NEDD4L: variants seen among roughly 807,000 people sequenced by gnomAD.
NEDD4L encodes the protein E3 ubiquitin-protein ligase NEDD4-like.
NEDD4L carries 54 observed loss-of-function variants against 148.9 expected under a neutral mutation model. The ratio of observed to expected loss-of-function variants is 0.36; its 90% CI spans 0.29 to 0.45. The LOEUF is 0.45. Ranked by LOEUF, NEDD4L falls within the 20% of genes least tolerant of loss-of-function variation. The probability of loss-of-function intolerance (pLI) is 1.00; values close to 1 mark genes in which losing one functional copy is unlikely to be tolerated. For missense variants in NEDD4L, 856 were observed against 1,233.8 expected (o/e 0.69, Z 4.59); for synonymous variants, 433 against 440.7 (o/e 0.98, Z 0.22).
chr18:58,274,348 G>A (rs2051536158), intron 5 of NEDD4L, among the ~76,000 whole-genome samples: 2 of 152,314 alleles, frequency 1.3e-5, no homozygotes. Flanking sequence ...TTAACATTTA[G>A]TCCTGGGAGG....
intron 5 of NEDD4L, among the ~76,000 whole-genome samples, chr18:58,300,192 G>T (rs58089111): frequency 2.4e-4 from 36 of 152,358 alleles, no homozygotes; most frequent in African/African-American, 8.7e-4. Context: ...TAAGGTTGTT[G>T]TGAGGATTAA....
intron 20 of NEDD4L, among the ~76,000 whole-genome samples, chr18:58,365,283 C>T (rs1435878183): frequency 6.6e-6 from 1 of 152,154 alleles, no homozygotes; most frequent in Non-Finnish European, 1.5e-5. Context: ...AGTCATGTCC[C>T]CTGGTAATGA....
chr18:58,302,226 A>G (rs2056569905), intron 5 of NEDD4L, among the ~76,000 whole-genome samples: 1 of 152,184 alleles, frequency 6.6e-6, no homozygotes, highest in South Asian at 2.1e-4. Flanking sequence ...GCTTCCCACT[A>G]GATAATGTTT....
At chr18:58,393,385 C>G (rs986165383) in intron 30 of NEDD4L, among the ~76,000 whole-genome samples, 1 of 152,118 alleles carries the variant, frequency 6.6e-6, no homozygotes, top group East Asian at 1.9e-4. Flanking sequence ...TTCAAAGCTC[C>G]CCAGATGATT....
intron 2 of NEDD4L, among the ~76,000 whole-genome samples, chr18:58,211,607 T>C (rs990265400): frequency 6.6e-6 from 1 of 152,246 alleles, no homozygotes; most frequent in Non-Finnish European, 1.5e-5. Context: ...GTGGGTTTTC[T>C]CTTTAATTGA....
intron 1 of NEDD4L, among the ~76,000 whole-genome samples, chr18:58,119,217 T>C (rs1414111265): frequency 1.3e-5 from 2 of 152,132 alleles, no homozygotes; most frequent in East Asian, 3.8e-4. Flanking sequence ...TCTGTTCCAG[T>C]CATTCTCATG....
At chr18:58,044,775 G>A (rs2081496099) in intron 1 of NEDD4L, 67 bp downstream of exon 1, 2 of 1,570,462 alleles carry the variant, frequency 1.3e-6, no homozygotes, top group East Asian at 2.4e-5. Flanking sequence ...GCAGGGGGAG[G>A]GGAAAGGGGC....
chr18:58,140,930 A>G (rs898451865), intron 1 of NEDD4L, among the ~76,000 whole-genome samples: 2 of 152,254 alleles, frequency 1.3e-5, no homozygotes, highest in Non-Finnish European at 2.9e-5. Flanking sequence ...CACGTTGTCA[A>G]TAATATGGTT....
chr18:58,049,602 CAA>C (rs1328120020), intron 1 of NEDD4L, among the ~76,000 whole-genome samples: 1 of 152,136 alleles, frequency 6.6e-6, no homozygotes, highest in African/African-American at 2.4e-5. Flanking sequence ...GTTTGAGAAA[CAA>C]ATGTTAAAAG....
At chr18:58,168,913 G>A (rs1433724962) in intron 2 of NEDD4L, among the ~76,000 whole-genome samples, 2 of 152,218 alleles carry the variant, frequency 1.3e-5, no homozygotes, top group African/African-American at 2.4e-5. Flanking sequence ...GGAAGGGGTC[G>A]GTGGTTGCGG....
At chr18:58,130,009 T>C (rs1319042126) in intron 1 of NEDD4L, among the ~76,000 whole-genome samples, 12 of 133,156 alleles carry the variant, frequency 9.0e-5, no homozygotes, top group African/African-American at 3.5e-4. Context: ...TCTGTTGGGG[T>C]TTGGTTGACT....
chr18:58,084,948 G>GC (rs2083678530), intron 1 of NEDD4L, among the ~76,000 whole-genome samples: 1 of 151,722 alleles, frequency 6.6e-6, no homozygotes, highest in South Asian at 2.1e-4. Flanking sequence ...TCCCACCTCA[G>GC]CCCCCCAACA....
intron 2 of NEDD4L, among the ~76,000 whole-genome samples, chr18:58,240,718 A>G (rs2046526744): frequency 6.6e-6 from 1 of 152,112 alleles, no homozygotes; most frequent in African/African-American, 2.4e-5. Flanking sequence ...GTTGGGTCCC[A>G]CTGCCTGCTG....
At chr18:58,367,967 GT>G in intron 22 of NEDD4L, 100 bp downstream of exon 22, 1 of 1,259,088 alleles carries the variant, frequency 7.9e-7, no homozygotes. Context: ...AGCTTCACTG[GT>G]TTACTCATAA....
intron 2 of NEDD4L, among the ~76,000 whole-genome samples, chr18:58,206,255 G>A (rs902502983): frequency 7.9e-5 from 12 of 152,092 alleles, no homozygotes; most frequent in African/African-American, 2.9e-4. Flanking sequence ...CAGGCATGGT[G>A]GTATATGCCT....
In NEDD4L at chr18:58,325,027, C is replaced by G. The variant is rs770647033; in HGVS notation, c.545C>G (p.Ser182Trp). 6 of 1,613,772 alleles carry G rather than the reference C, an allele frequency of 3.7e-6. No homozygotes were observed. The highest frequency in any genetic ancestry group is 1.3e-5 in the African/African-American group (1 of 74,920). ...HGWEVVDSND[S>W]ASQHQEELPP... ...TGGGAAGTTGTTGACTCAAATGACT[C>G]GGCTTCTCAGCACCAAGAGGAACTT... The change falls in exon 9 of 31, where the codon TCG becomes TGG. Residue 182 changes from serine (S) to tryptophan (W), a missense_variant. Coordinates refer to ENST00000400345, the MANE Select transcript of NEDD4L (RefSeq NM_001144967.3).
At position 58,322,091 on chromosome 18, in the gene NEDD4L, G is replaced by A. The variant is rs150494439; in HGVS notation, c.349-334G>A. On this transcript the variant is annotated intron_variant, in intron 6 of 30. Coordinates refer to ENST00000400345, the MANE Select transcript of NEDD4L (RefSeq NM_001144967.3). ...ATGTGTCTCGAGTCACAGGCATATAGCAAGGCACTGGTGACCGCTGGTTCT... is the reference window on the plus strand; with the variant it reads ...ATGTGTCTCGAGTCACAGGCATATAACAAGGCACTGGTGACCGCTGGTTCT... Among the ~76,000 whole-genome samples the A allele has an allele frequency of 1.3e-3, 203 of 152,344 alleles. 1 individual carries two copies. The highest frequency in any genetic ancestry group is 3.8e-4 in the Non-Finnish European group (26 of 68,034).
intron 1 of NEDD4L, among the ~76,000 whole-genome samples, chr18:58,114,636 G>A (rs574979435): frequency 6.6e-6 from 1 of 151,640 alleles, no homozygotes; most frequent in South Asian, 2.1e-4. Flanking sequence ...GCAGAGCGGT[G>A]GCTGCAGACA....
intron 28 of NEDD4L, 176 bp from the exon 29 acceptor site, chr18:58,390,470 T>G: frequency 1.9e-6 from 1 of 522,662 alleles, no homozygotes; most frequent in East Asian, 2.9e-5. Context: ...CTCAGTCTCT[T>G]AGATTAGAGA....
Sources: gnomAD v4.1 joint callset for allele counts (sites outside exome capture counted in the v4.1 genomes callset) on GRCh38, gnomAD v4.1.1 for gene constraint, MANE v1.5 for transcripts, NCBI Gene and HGNC (gene_info 2026-07-23, HGNC 2026-07-21) for gene names.